Variants in ITGA9 observed in about 807,000 individuals in gnomAD.
The protein encoded by ITGA9 is integrin subunit alpha 9.
In ITGA9, 56 loss-of-function variants were observed where a neutral mutation model predicts 127.8. That is an observed-to-expected ratio of 0.44 (90% CI 0.35 to 0.55). ITGA9 has a LOEUF of 0.55. Ranked by LOEUF, ITGA9 falls within the 20% of genes least tolerant of loss-of-function variation. The pLI, the probability that ITGA9 is intolerant of heterozygous loss-of-function variation, is 0.00. For missense variants in ITGA9, 1,196 were observed against 1,347.1 expected (o/e 0.89, Z 1.76); for synonymous variants, 508 against 514.5 (o/e 0.99, Z 0.17).
intron 17 of ITGA9, among the ~76,000 whole-genome samples, chr3:37,676,633 T>G (rs1700684901): frequency 6.6e-6 from 1 of 152,248 alleles, no homozygotes; most frequent in South Asian, 2.1e-4. Flanking sequence ...GACTACATTT[T>G]TTAATATCTT....
At chr3:37,718,957 T>G (rs1701162213) in intron 18 of ITGA9, among the ~76,000 whole-genome samples, 1 of 152,218 alleles carries the variant, frequency 6.6e-6, no homozygotes, top group African/African-American at 2.4e-5. Flanking sequence ...CCTGCACAGC[T>G]GGGTGTGGCA....
At chr3:37,782,235 A>G (rs1005098433) in intron 25 of ITGA9, among the ~76,000 whole-genome samples, 6 of 152,260 alleles carry the variant, frequency 3.9e-5, no homozygotes, top group African/African-American at 1.4e-4. Context: ...GCCACTGTCC[A>G]TAGAGCCCTG....
chr3:37,616,015 T>G (rs543012818), intron 15 of ITGA9, among the ~76,000 whole-genome samples: 1 of 152,346 alleles, frequency 6.6e-6, no homozygotes, highest in African/African-American at 2.4e-5. Flanking sequence ...AGCTTTTGAA[T>G]GTGTTTGCTC....
chr3:37,509,397 G>A (rs1344745957), intron 8 of ITGA9, among the ~76,000 whole-genome samples: 1 of 151,938 alleles, frequency 6.6e-6, no homozygotes, highest in Non-Finnish European at 1.5e-5. Context: ...CTACTCTAAG[G>A]GACACAAGTT....
At chr3:37,565,759 G>A (rs532293521) in intron 15 of ITGA9, among the ~76,000 whole-genome samples, 1 of 152,290 alleles carries the variant, frequency 6.6e-6, no homozygotes, top group South Asian at 2.1e-4. Flanking sequence ...TTCTGATTCT[G>A]TACCTCTGAG....
chr3:37,511,668 C>T (rs1223007130), intron 8 of ITGA9, among the ~76,000 whole-genome samples: 1 of 152,172 alleles, frequency 6.6e-6, no homozygotes, highest in East Asian at 1.9e-4. Flanking sequence ...TCCTCCTCAC[C>T]CTCTGTGATT....
chr3:37,634,314 T>TAA (rs1340637995), intron 16 of ITGA9, among the ~76,000 whole-genome samples: 3 of 138,378 alleles, frequency 2.2e-5, no homozygotes, highest in African/African-American at 2.7e-5. Context: ...TAAATGGATT[T>TAA]AAAAAAAAAA....
chr3:37,532,188 G>A (rs543856502), intron 13 of ITGA9, among the ~76,000 whole-genome samples: 146 of 152,344 alleles, frequency 9.6e-4, no homozygotes, highest in African/African-American at 3.3e-3. Flanking sequence ...TGGAAGTCCC[G>A]CAGTTCCACT....
At chr3:37,574,056 TA>T (rs1019942372) in intron 15 of ITGA9, among the ~76,000 whole-genome samples, 1 of 152,158 alleles carries the variant, frequency 6.6e-6, no homozygotes, top group African/African-American at 2.4e-5. Flanking sequence ...ATGTACTATC[TA>T]AAAAGGGAAA....
At chr3:37,638,495 G>A (rs1334588631) in intron 16 of ITGA9, among the ~76,000 whole-genome samples, 1 of 151,460 alleles carries the variant, frequency 6.6e-6, no homozygotes, top group Non-Finnish European at 1.5e-5. Context: ...TGTTGGCTCA[G>A]TTTGAGGAGG....
intron 8 of ITGA9, among the ~76,000 whole-genome samples, chr3:37,511,373 C>G (rs1698902708): frequency 6.6e-6 from 1 of 152,116 alleles, no homozygotes; most frequent in African/African-American, 2.4e-5. Context: ...ATGTCATTGC[C>G]ATATTGAAGT....
intron 4 of ITGA9, 55 bp downstream of exon 4, chr3:37,481,662 G>T (rs117087693): frequency 2.5e-6 from 4 of 1,606,762 alleles, no homozygotes; most frequent in Non-Finnish European, 2.6e-6. Context: ...CCCTAAGCCC[G>T]CCTTCCCACC....
chr3:37,605,936 G>A (rs1039666810), intron 15 of ITGA9, among the ~76,000 whole-genome samples: 1 of 152,080 alleles, frequency 6.6e-6, no homozygotes, highest in Non-Finnish European at 1.5e-5. Flanking sequence ...TGGTGCATGA[G>A]TATGATATAG....
chr3:37,615,352 G>C (rs1700063769), intron 15 of ITGA9, among the ~76,000 whole-genome samples: 1 of 152,174 alleles, frequency 6.6e-6, no homozygotes, highest in African/African-American at 2.4e-5. Context: ...TTGATGTGCT[G>C]CTGGATTCGG....
chr3:37,732,327 C>G (rs934785497), intron 18 of ITGA9, among the ~76,000 whole-genome samples: 3 of 152,058 alleles, frequency 2.0e-5, no homozygotes, highest in African/African-American at 7.2e-5. Flanking sequence ...TTTCCTGAAC[C>G]ACCAAGATCT....
At position 37,597,543 on chromosome 3, in the gene ITGA9, T is replaced by A. The variant is rs1445715402; in HGVS notation, c.1690-31644T>A. Reference sequence around the variant, plus strand: ...TCTCTATTGTACATAGTAATCAGGGTCTAACATAGCTTCCCTTTCCCACCT... The same window carrying A: ...TCTCTATTGTACATAGTAATCAGGGACTAACATAGCTTCCCTTTCCCACCT... On this transcript the variant is annotated intron_variant, in intron 15 of 27. Coordinates refer to ENST00000264741, the MANE Select transcript of ITGA9 (RefSeq NM_002207.3). The surrounding 1 kb of genome is among the most constrained non-coding windows in gnomAD (Gnocchi z 4.6). Among the ~76,000 whole-genome samples, 1 of 152,166 alleles carries A rather than the reference T, an allele frequency of 6.6e-6. No homozygotes were observed. Among genetic ancestry groups the A allele is most frequent in the African/African-American group, 2.4e-5 (1 of 41,432 alleles).
chr3:37,489,223 A>G (rs1698641800), intron 4 of ITGA9, among the ~76,000 whole-genome samples: 1 of 152,176 alleles, frequency 6.6e-6, no homozygotes, highest in Non-Finnish European at 1.5e-5. Flanking sequence ...ACATTTATCT[A>G]TTCATCTGTT....
intron 15 of ITGA9, among the ~76,000 whole-genome samples, chr3:37,605,655 A>G (rs1436043470): frequency 6.6e-6 from 1 of 152,190 alleles, no homozygotes. Flanking sequence ...AACTTGGGCC[A>G]TATGCTTATC....
rs1696868514 is a variant in ITGA9 at position 37,773,448 on chromosome 3, G to A, written c.2542-3944G>A. On this transcript the variant is annotated intron_variant, in intron 23 of 27. Coordinates refer to ENST00000264741, the MANE Select transcript of ITGA9 (RefSeq NM_002207.3). ...GGAGTGAAAAAGTGATGGATATTAA[G>A]AGCACAACTACACACATTCGGATTC... Among the ~76,000 whole-genome samples the A allele has an allele frequency of 2.6e-5, 4 of 152,324 alleles. No individual in the cohort carries two copies. The South Asian group carries it at 8.3e-4, about 32-fold the overall frequency.
Sources: allele counts gnomAD v4.1 joint callset (sites outside exome capture counted in the v4.1 genomes callset), GRCh38; gene constraint gnomAD v4.1.1; non-coding constraint Gnocchi (gnomAD v3.1); transcripts MANE v1.5; gene names NCBI Gene and HGNC (gene_info 2026-07-23, HGNC 2026-07-21).